ZNF362: variants seen among roughly 807,000 people sequenced by gnomAD.
The protein encoded by ZNF362 is rotund homolog.
A neutral mutation model predicts 42.9 loss-of-function variants in ZNF362; 11 were observed. That is an observed-to-expected ratio of 0.26 (90% CI 0.16 to 0.42). The LOEUF is 0.42. Ranked by LOEUF, ZNF362 falls within the 20% of genes least tolerant of loss-of-function variation. ZNF362 has a pLI of 1.00. For synonymous variants in ZNF362, 255 were observed against 257.3 expected, an observed-to-expected ratio of 0.99 and a Z score of 0.09; for missense variants, 362 against 576.2, an observed-to-expected ratio of 0.63 and a Z score of 3.81.
At chr1:33,252,354 AAAC>A (rs3075190), upstream of ZNF362, among the ~76,000 whole-genome samples, 141,068 of 150,056 alleles carry the variant, frequency 0.94, 66,616 homozygotes, top group Non-Finnish European at 0.98. Flanking sequence ...CTCCATCTCA[AAAC>A]AACAACAACA....
At chr1:33,291,096 T>C (rs1331389875) in intron 6 of ZNF362, among the ~76,000 whole-genome samples, 1 of 152,272 alleles carries the variant, frequency 6.6e-6, no homozygotes, top group East Asian at 1.9e-4. Flanking sequence ...ATTTTGGCTT[T>C]TGTTGCCATT....
At chr1:33,250,807 G>A in the ZNF362 span, among the ~76,000 whole-genome samples, 1 of 149,004 alleles carries the variant, frequency 6.7e-6, no homozygotes, top group Admixed American at 6.8e-5. Context: ...AGGAGAAGGA[G>A]AAGAAGAAGA....
chr1:33,218,085 A>G, the ZNF362 span, among the ~76,000 whole-genome samples: 16 of 152,274 alleles, frequency 1.1e-4, no homozygotes, highest in Admixed American at 5.2e-4. Flanking sequence ...AGCAGCAAAC[A>G]CCTTTAAACA....
chr1:33,215,418 A>G, the ZNF362 span, among the ~76,000 whole-genome samples: 1 of 152,298 alleles, frequency 6.6e-6, no homozygotes, highest in Non-Finnish European at 1.5e-5. Flanking sequence ...TATAGAATGA[A>G]TAATATCCTA....
the ZNF362 span, among the ~76,000 whole-genome samples, chr1:33,178,675 C>T: frequency 1.3e-5 from 2 of 152,220 alleles, no homozygotes; most frequent in Admixed American, 6.5e-5. Flanking sequence ...AGAGCATCAG[C>T]GTTTACATGA....
upstream of ZNF362, among the ~76,000 whole-genome samples, chr1:33,256,135 G>A (rs1645787173): frequency 1.3e-5 from 2 of 150,574 alleles, no homozygotes; most frequent in Admixed American, 6.6e-5. Flanking sequence ...CTCCGGCGCG[G>A]CGCGGGCGGG....
chr1:33,175,285 G>A, the ZNF362 span, among the ~76,000 whole-genome samples: 13 of 151,494 alleles, frequency 8.6e-5, no homozygotes, highest in Admixed American at 6.6e-4. Context: ...CAGGTGATCC[G>A]CCTGCCTTGG....
chr1:33,165,523 C>T, the ZNF362 span: 38 of 1,610,970 alleles, frequency 2.4e-5, no homozygotes, highest in African/African-American at 3.3e-4. This position sits in a 1 kb window ranked among gnomAD's most constrained non-coding sequence, Gnocchi z 4.0. Context: ...GGTGTGTTCC[C>T]GCTCGCTGTC....
rs146752815 is a variant in ZNF362 at position 33,297,827 on chromosome 1, T to C, written c.1147-1103T>C. ...CCGTGCCCAGCCTACATTATTCTTT[T>C]TAGATCAAGATCCAAATAAGATTCC... On this transcript the variant is annotated intron_variant, in intron 8 of 8. Coordinates refer to ENST00000539719, the MANE Select transcript of ZNF362 (RefSeq NM_152493.3). 5.4e-3 allele frequency among the ~76,000 whole-genome samples: 830 copies of C among 152,364 alleles called. 10 individuals are homozygous for C. Among genetic ancestry groups the C allele is most frequent in the African/African-American group, 0.019 (784 of 41,580 alleles).
chr1:33,174,133 TCTTCTCC>T, the ZNF362 span, among the ~76,000 whole-genome samples: 1 of 150,182 alleles, frequency 6.7e-6, no homozygotes, highest in African/African-American at 2.4e-5. Context: ...TCTTCCCCCT[TCTTCTCC>T]CTTCTCCCTT....
At chr1:33,231,447 A>G in the ZNF362 span, among the ~76,000 whole-genome samples, 1 of 152,178 alleles carries the variant, frequency 6.6e-6, no homozygotes, top group Non-Finnish European at 1.5e-5. Flanking sequence ...ACGTCAAACA[A>G]ATTATCATTG....
chr1:33,257,815 G>A (rs1292081875), intron 1 of ZNF362, among the ~76,000 whole-genome samples: 1 of 152,120 alleles, frequency 6.6e-6, no homozygotes, highest in Non-Finnish European at 1.5e-5. Flanking sequence ...TGTGGCAGTG[G>A]GCCTGTCTCC....
chr1:33,138,642 A>G, the ZNF362 span, among the ~76,000 whole-genome samples: 25 of 146,100 alleles, frequency 1.7e-4, no homozygotes, highest in African/African-American at 3.4e-4. Context: ...AAAAAAAAAA[A>G]AAAGAAAAGG....
At chr1:33,285,687 T>C (rs1646027342) in intron 6 of ZNF362, among the ~76,000 whole-genome samples, 1 of 152,210 alleles carries the variant, frequency 6.6e-6, no homozygotes, top group South Asian at 2.1e-4. Flanking sequence ...GAGGTTGAGT[T>C]TCTCTTTTTA....
At chr1:33,189,722 T>TATATATATATATAC in the ZNF362 span, among the ~76,000 whole-genome samples, 31 of 102,712 alleles carry the variant, frequency 3.0e-4, 1 homozygote, top group African/African-American at 1.2e-3. Context: ...TATATATACA[T>TATATATATATATAC]ACACACATAC....
chr1:33,278,013 G>A (rs1467033931), intron 4 of ZNF362, among the ~76,000 whole-genome samples: 2 of 152,028 alleles, frequency 1.3e-5, no homozygotes, highest in Non-Finnish European at 2.9e-5. Context: ...AGAATTACAG[G>A]GCCTGGTAAA....
the ZNF362 span, chr1:33,176,639 A>T: frequency 2.0e-6 from 1 of 488,018 alleles, no homozygotes. Flanking sequence ...CAGATGGCCT[A>T]GCCCTGTCAA....
At chr1:33,207,125 G>T in the ZNF362 span, among the ~76,000 whole-genome samples, 8 of 103,686 alleles carry the variant, frequency 7.7e-5, no homozygotes, top group South Asian at 2.8e-3. Flanking sequence ...AACAGGCCCC[G>T]GTGTGTGATG....
At chr1:33,297,905 CT>C (rs1459152151) in intron 8 of ZNF362, among the ~76,000 whole-genome samples, 1 of 152,198 alleles carries the variant, frequency 6.6e-6, no homozygotes, top group African/African-American at 2.4e-5. Flanking sequence ...CTTACCCCCA[CT>C]TTTTTTCTTT....
Sources: allele counts gnomAD v4.1 joint callset (sites outside exome capture counted in the v4.1 genomes callset), GRCh38; gene constraint gnomAD v4.1.1; non-coding constraint Gnocchi (gnomAD v3.1); transcripts MANE v1.5; gene names NCBI Gene and HGNC (gene_info 2026-07-23, HGNC 2026-07-21).